The following EIF3K variants were observed in gnomAD, a reference collection of about 807,000 sequenced individuals.
EIF3K encodes the protein eIF-3 p28.
In EIF3K, 27 loss-of-function variants were observed where a neutral mutation model predicts 34.2. The observed-to-expected ratio is 0.79, with a 90% CI of 0.58 to 1.09. EIF3K has a LOEUF of 1.09. Ranked by LOEUF, EIF3K falls within the 50% of genes least tolerant of loss-of-function variation. EIF3K has a pLI of 0.00. For synonymous variants in EIF3K, 105 were observed against 105.7 expected (o/e 0.99, Z 0.04); for missense variants, 232 against 275.4 (o/e 0.84, Z 1.11).
intron 7 of EIF3K, 155 bp downstream of exon 7, chr19:38,635,273 T>G (rs890984336): frequency 1.5e-5 from 16 of 1,103,110 alleles, no homozygotes; most frequent in Non-Finnish European, 2.0e-5. Context: ...GTCTTGGGGC[T>G]CCCGCCCAGG....
At chr19:38,628,438 C>G (rs1599734980) in intron 4 of EIF3K, 1 of 152,494 alleles carries the variant, frequency 6.6e-6, no homozygotes, top group East Asian at 1.9e-4. Flanking sequence ...TCAGCTCACC[C>G]CCACAGGGTC....
intron 7 of EIF3K, among the ~76,000 whole-genome samples, chr19:38,636,299 C>G (rs554557147): frequency 3.9e-5 from 6 of 152,090 alleles, no homozygotes; most frequent in Non-Finnish European, 7.4e-5. Flanking sequence ...GGGGAGTAGA[C>G]GGGAGGGTTC....
chr19:38,620,724 T>C (rs1442616459), intron 2 of EIF3K, among the ~76,000 whole-genome samples: 2 of 151,218 alleles, frequency 1.3e-5, no homozygotes. Context: ...AGAAACCCCA[T>C]CTTTACTAAA....
At chr19:38,632,268 A>C in intron 4 of EIF3K, 162 bp from the exon 5 acceptor site, 1 of 655,776 alleles carries the variant, frequency 1.5e-6, no homozygotes, top group Non-Finnish European at 2.6e-6. Flanking sequence ...CAGCAGCAAC[A>C]AAATCTTAGC....
chr19:38,635,817 G>C (rs894765236), intron 7 of EIF3K: 2 of 152,238 alleles, frequency 1.3e-5, no homozygotes, highest in African/African-American at 2.4e-5. Context: ...TGGCTACTCC[G>C]GCAGCGGGTG....
At chr19:38,625,357 G>A (rs777822568) in intron 3 of EIF3K, among the ~76,000 whole-genome samples, 3 of 151,828 alleles carry the variant, frequency 2.0e-5, no homozygotes, top group Non-Finnish European at 4.4e-5. Context: ...GTAGAGACGG[G>A]GTTTTGCTAT....
chr19:38,625,133 G>A (rs1331977034), intron 3 of EIF3K, among the ~76,000 whole-genome samples: 2 of 151,800 alleles, frequency 1.3e-5, no homozygotes, highest in South Asian at 2.1e-4. Flanking sequence ...ATGATTTAAG[G>A]TGGGTTTTTT....
At chr19:38,620,271 G>A (rs903486978) in intron 1 of EIF3K, 66 bp from the exon 2 acceptor site, 1 of 1,398,446 alleles carries the variant, frequency 7.2e-7, no homozygotes, top group South Asian at 1.2e-5. Context: ...GTGGCCCCTT[G>A]CTCCATAAGG....
At chr19:38,634,842 A>G (rs1976154626) in intron 6 of EIF3K, 151 bp from the exon 7 acceptor site, 1 of 1,143,712 alleles carries the variant, frequency 8.7e-7, no homozygotes, top group Non-Finnish European at 1.2e-6. Context: ...GGCGGAAGCA[A>G]GGAGACCAGG....
intron 7 of EIF3K, chr19:38,635,418 C>A (rs1378482178): frequency 4.6e-6 from 2 of 437,102 alleles, no homozygotes; most frequent in Non-Finnish European, 8.2e-6. Flanking sequence ...GTCCCTGAGG[C>A]CTGTCTCGTT....
intron 2 of EIF3K, among the ~76,000 whole-genome samples, chr19:38,621,623 G>T (rs1177289597): frequency 1.3e-5 from 2 of 152,138 alleles, no homozygotes; most frequent in Non-Finnish European, 2.9e-5. Context: ...TTTATGTGAT[G>T]GTTTACTATG....
rs112447585 is a variant in EIF3K, at chr19:38,619,201, C to T, written c.-68C>T. 1.4e-4 allele frequency: 215 copies of T among 1,569,884 alleles called. No homozygotes were observed. The African/African-American group carries it at 2.6e-3, about 19-fold the overall frequency. ...CGTTTCCACCACCTCTTCCTGTTCC[C>T]GTCCTTGAGGACGCCGTGCCGGGTC... On this transcript the variant is annotated 5_prime_UTR_variant, in exon 1 of 8. Transcript: ENST00000248342.
chr19:38,636,051 G>A (rs1976183495), intron 7 of EIF3K, among the ~76,000 whole-genome samples: 1 of 152,250 alleles, frequency 6.6e-6, no homozygotes, highest in Non-Finnish European at 1.5e-5. Flanking sequence ...CGCACTTGCA[G>A]CCCGTGGTAT....
At chr19:38,634,263 A>ATTTT in intron 6 of EIF3K, among the ~76,000 whole-genome samples, 1 of 113,768 alleles carries the variant, frequency 8.8e-6, no homozygotes, top group Non-Finnish European at 1.7e-5. Flanking sequence ...CGCCCAGCTA[A>ATTTT]TTTTTTTTTT....
chr19:38,635,263 G>A, intron 7 of EIF3K, 145 bp downstream of exon 7: 1 of 1,198,458 alleles, frequency 8.3e-7, no homozygotes, highest in Non-Finnish European at 1.2e-6. Flanking sequence ...TTCACCTTGT[G>A]TCTTGGGGCT....
rs970317332 is a variant in EIF3K at position 38,622,880 on chromosome 19, G to T, written c.159-1197G>T. On this transcript the variant is annotated intron_variant, in intron 2 of 7. Coordinates refer to ENST00000248342, the MANE Select transcript of EIF3K (RefSeq NM_013234.4). Reference sequence around the variant, plus strand: ...TTTGAAAGAAGAGAAATATGGCTCTGTTCTGCCCGGCTCACCGGCAGTCAG... The same window carrying T: ...TTTGAAAGAAGAGAAATATGGCTCTTTTCTGCCCGGCTCACCGGCAGTCAG... Among the ~76,000 whole-genome samples, 4 of 152,358 alleles carry T rather than the reference G, an allele frequency of 2.6e-5. No individual in the cohort carries two copies. In the South Asian group the frequency reaches 8.3e-4, roughly 32 times the overall value.
chr19:38,623,953 A>C (rs1303006959), intron 2 of EIF3K, 124 bp from the exon 3 acceptor site: 32 of 1,452,098 alleles, frequency 2.2e-5, no homozygotes, highest in Non-Finnish European at 2.8e-5. Flanking sequence ...AAGCACTGGG[A>C]CTGGGATTGG....
At position 38,634,980 on chromosome 19, in the gene EIF3K, CT is replaced by C. The variant is rs769800368; in HGVS notation, c.500-12del. The C allele has an allele frequency of 4.3e-5, 70 of 1,613,896 alleles. 1 individual carries two copies. In the Middle Eastern group the frequency reaches 2.5e-3, roughly 57 times the overall value. On this transcript the variant is annotated splice_polypyrimidine_tract_variant and intron_variant, in intron 6 of 7. Coordinates refer to ENST00000248342, the MANE Select transcript of EIF3K (RefSeq NM_013234.4). The stretch of plus-strand genomic sequence containing the variant: ...GGCTGACTGAAGCCCCTTGCTGCCC[CT>C]GTCACCTGCAGACAGCCAGCTAAAG...
At chr19:38,633,755 G>A (rs1402003344) in intron 6 of EIF3K, among the ~76,000 whole-genome samples, 2 of 148,136 alleles carry the variant, frequency 1.4e-5, no homozygotes, top group Admixed American at 6.7e-5. Context: ...GGCAGATCAC[G>A]TGAGGTCAGG....
Sources: allele counts gnomAD v4.1 joint callset (sites outside exome capture counted in the v4.1 genomes callset), GRCh38; gene constraint gnomAD v4.1.1; transcripts MANE v1.5; gene names NCBI Gene and HGNC (gene_info 2026-07-23, HGNC 2026-07-21).